The following FLNC variants were observed in gnomAD, a reference collection of about 807,000 sequenced individuals.
FLNC encodes the protein filamin C, also known as filamin-C.
In FLNC, 91 loss-of-function variants were observed where a neutral mutation model predicts 254.3. That is an observed-to-expected ratio of 0.36 (90% confidence interval 0.30 to 0.43). The LOEUF is 0.43. Among genes scored for constraint, FLNC ranks in the 20% least tolerant of loss-of-function variants. FLNC has a pLI of 1.00. For synonymous variants in FLNC, 1,430 were observed against 1,577.2 expected (o/e 0.91, Z 2.21); for missense variants, 2,853 against 3,802.6 (o/e 0.75, Z 6.57).
At chr7:128,832,670 G>C (rs1052654870) in intron 1 of FLNC, among the ~76,000 whole-genome samples, 5 of 152,238 alleles carry the variant, frequency 3.3e-5, no homozygotes, top group African/African-American at 1.2e-4. Flanking sequence ...AGCAAAAGCT[G>C]GTTTGAGGGT....
In FLNC at chr7:128,841,394, G is replaced by A. The variant is rs746709960; in HGVS notation, c.2007+31G>A. ...GTCCCAGCTCACACACACCTGCCCC[G>A]GGGGTGGGGCAAGCTGGTTCTCCTC... On this transcript the variant is annotated intron_variant, in intron 12 of 47. Transcript: ENST00000325888. The surrounding 1 kb of genome is among the most constrained non-coding windows in gnomAD (Gnocchi z 4.3). The A allele has an allele frequency of 2.1e-5, 34 of 1,612,896 alleles. No homozygotes were observed. Among genetic ancestry groups the A allele is most frequent in the East Asian group, 1.1e-4 (5 of 44,884 alleles).
chr7:128,837,329 G>GGGTGCAGGGGGAGACT, intron 3 of FLNC, 69 bp from the exon 4 acceptor site: 1 of 1,611,874 alleles, frequency 6.2e-7, no homozygotes, highest in Non-Finnish European at 8.5e-7. Flanking sequence ...TACCTGGCCA[G>GGGTGCAGGGGGAGACT]GGTGCAGGGG....
Position 128,854,907 on chromosome 7 carries a change from A to G in FLNC, c.7130A>G (p.Glu2377Gly). ...TGCGGCGTCTCCTATGTCGTCCAGG[A>G]ACCAGGTGGGCGTCCACACTGGCAG... is the stretch of plus-strand genomic sequence containing the variant. ...GSCGVSYVVQ[E>G]PGDYEVSIKF... The change falls in exon 42 of 48, where the codon GAA becomes GGA. Residue 2377 changes from glutamate to glycine, a missense_variant. Physicochemically the swap from Glu to Gly is moderately conservative, Grantham distance 98 (BLOSUM62 -2). Coordinates refer to ENST00000325888, the MANE Select transcript of FLNC (RefSeq NM_001458.5). 1 of 1,614,054 alleles carries G rather than the reference A, an allele frequency of 6.2e-7. No homozygotes were observed.
chr7:128,854,036 C>T lies in FLNC; in HGVS notation c.6547C>T (p.His2183Tyr), dbSNP rs201695827. The T allele has an allele frequency of 6.2e-7, 1 of 1,613,306 alleles. No homozygotes were observed. The highest frequency in any genetic ancestry group is 1.3e-5 in the African/African-American group (1 of 75,060). Residue 2183 changes from histidine (H) to tyrosine (Y), a missense_variant, in exon 40 of 48, where the codon CAC becomes TAC. By Grantham distance (83) the His-to-Tyr change is moderately conservative. Coordinates refer to ENST00000325888, the MANE Select transcript of FLNC (RefSeq NM_001458.5). The part of the protein sequence containing the change: ...RLTRTFTRSS[H>Y]TYTRTERTEI... ...GACACGCACCTTCACACGCAGCAGC[C>T]ACACCTACACCCGCACGGAGCGCAC...
chr7:128,835,099 C>A lies in FLNC; in HGVS notation c.353-227C>A, dbSNP rs576048893. On this transcript the variant is annotated intron_variant, in intron 1 of 47. Coordinates refer to ENST00000325888, the MANE Select transcript of FLNC (RefSeq NM_001458.5). The surrounding 1 kb of genome is among the most constrained non-coding windows in gnomAD (Gnocchi z 5.3). Reference sequence around the variant, plus strand: ...ACTTGCTGTAGCTGAGGTGAGGGTACCTTCCAGAACCACAGGAACACAGAG... The same window carrying A: ...ACTTGCTGTAGCTGAGGTGAGGGTAACTTCCAGAACCACAGGAACACAGAG... Among the ~76,000 whole-genome samples, 4 of 152,264 alleles carry A rather than the reference C, an allele frequency of 2.6e-5. No individual in the cohort carries two copies. The highest frequency in any genetic ancestry group is 6.5e-5 in the Admixed American group (1 of 15,296).
rs1461339998 is a variant in FLNC at position 128,838,317 on chromosome 7, G to A, written c.1098G>A (p.Val366=). The A allele has an allele frequency of 1.2e-6, 2 of 1,614,042 alleles. No homozygotes were observed. The highest frequency in any genetic ancestry group is 8.5e-7 in the Non-Finnish European group (1 of 1,179,952). ...GQNIERSPFE[V]NVGMALGDAN... is the part of the protein sequence containing the mutation. Reference sequence around the variant, plus strand: ...ACATTGAACGCAGTCCCTTTGAGGTGAACGTGGGCATGGCCCTGGGAGATG... The same window carrying A: ...ACATTGAACGCAGTCCCTTTGAGGTAAACGTGGGCATGGCCCTGGGAGATG... The change falls in exon 7 of 48, where the codon GTG becomes GTA. Residue 366 remains valine (V), a synonymous_variant. Transcript: ENST00000325888.
rs369165766 is a variant in FLNC, at chr7:128,850,038, C to T, written c.5262C>T (p.Tyr1754=). The T allele has an allele frequency of 2.5e-4, 392 of 1,552,718 alleles. No homozygotes were observed. In the African/African-American group the frequency reaches 4.6e-3, roughly 18 times the overall value. ...PSEVPQLRQP[Y]APPRPGARPT... ...AAGTGCCACAGCTGCGCCAGCCCTA[C>T]GCTCCTCCCCGGCCCGGCGCCCGCC... Residue 1754 remains tyrosine, a synonymous_variant, in exon 31 of 48, where the codon TAC becomes TAT. Coordinates refer to ENST00000325888, the MANE Select transcript of FLNC (RefSeq NM_001458.5).
Position 128,830,540 on chromosome 7 carries a change from C to A in FLNC, c.-98C>A. 1.0e-6 allele frequency: 1 copy of A among 998,372 alleles called. No homozygotes were observed. The highest frequency in any genetic ancestry group is 1.5e-6 in the Non-Finnish European group (1 of 652,236). The allele number at this position is 998,372 out of a possible 1,614,324, so 61.8% of individuals were successfully genotyped here. ...GAAGTTGGAGAGGAGAGCAGCGCAG[C>A]GCAGCGAGTCCCGTGGTCGCGCCCC... On this transcript the variant is annotated 5_prime_UTR_variant, in exon 1 of 48. Coordinates refer to ENST00000325888, the MANE Select transcript of FLNC (RefSeq NM_001458.5).
In FLNC at chr7:128,840,629, A is replaced by T; in HGVS notation, c.1631A>T (p.Lys544Met). The change falls in exon 10 of 48, where the codon AAG becomes ATG. Residue 544 changes from lysine to methionine, a missense_variant. Transcript: ENST00000325888. ...GAGTACTACCCGGTGGTGCCTGGGA[A>T]GTATGTGGTGACCATCACGTGGGGC... ...ECEYYPVVPG[K>M]YVVTITWGGY... is the part of the protein sequence containing the mutation. 1 of 1,614,152 alleles carries T rather than the reference A, an allele frequency of 6.2e-7. No homozygotes were observed. The highest frequency in any genetic ancestry group is 2.2e-5 in the East Asian group (1 of 44,874).
chr7:128,834,313 C>A (rs934040359), intron 1 of FLNC, among the ~76,000 whole-genome samples: 1 of 103,008 alleles, frequency 9.7e-6, no homozygotes, highest in Non-Finnish European at 2.0e-5. Context: ...ATCTAGGCGC[C>A]CCCCCCCCCC....
At chr7:128,834,317 C>A (rs1025312373) in intron 1 of FLNC, among the ~76,000 whole-genome samples, 98 of 150,482 alleles carry the variant, frequency 6.5e-4, no homozygotes, top group Non-Finnish European at 1.1e-3. Context: ...AGGCGCCCCC[C>A]CCCCCCAAAT....
At chr7:128,848,534 A>G in intron 26 of FLNC, 27 bp from the exon 27 acceptor site, 2 of 1,610,926 alleles carry the variant, frequency 1.2e-6, no homozygotes, top group African/African-American at 1.3e-5. Context: ...CCACCCAGCC[A>G]ACTGTTTATC....
intron 43 of FLNC, 36 bp downstream of exon 43, chr7:128,855,350 A>G (rs745543992): frequency 7.5e-7 from 1 of 1,330,922 alleles, no homozygotes. Flanking sequence ...GGTTTCTGCT[A>G]TCTGAGAGAT....
Position 128,838,720 on chromosome 7 carries a change from C to T in FLNC, c.1328C>T (p.Ala443Val), listed in dbSNP as rs1808207788. The change falls in exon 8 of 48, where the codon GCC becomes GTC. Residue 443 changes from alanine to valine, a missense_variant. This residue lies in a region of FLNC where 1,573 missense variants were observed against 1,883.5 expected (regional missense o/e 0.84). Coordinates refer to ENST00000325888, the MANE Select transcript of FLNC (RefSeq NM_001458.5). Reference sequence around the variant, plus strand: ...ACGTTCCGCTGCACATACAGACCTGCCATGGAGGGGCCACATACCGTGCAT... The same window carrying T: ...ACGTTCCGCTGCACATACAGACCTGTCATGGAGGGGCCACATACCGTGCAT... ...DSTFRCTYRP[A>V]MEGPHTVHVA... is the part of the protein sequence containing the mutation. The T allele has an allele frequency of 1.2e-5, 19 of 1,612,972 alleles. No homozygotes were observed. Among genetic ancestry groups the T allele is most frequent in the African/African-American group, 4.0e-5 (3 of 74,918 alleles).
rs1808421759 is a variant in FLNC, at chr7:128,843,379, C to T, written c.2642-29C>T. The T allele has an allele frequency of 2.5e-6, 4 of 1,613,584 alleles. No homozygotes were observed. The Admixed American group carries it at 5.0e-5, about 20-fold the overall frequency. Reference sequence around the variant, plus strand: ...GGTTGGGGTTAGGTGGCTGCCAGGCCCTCACCACATCTCTGGGTGGGTCCT... The same window carrying T: ...GGTTGGGGTTAGGTGGCTGCCAGGCTCTCACCACATCTCTGGGTGGGTCCT... On this transcript the variant is annotated intron_variant, in intron 17 of 47. Transcript: ENST00000325888.
In FLNC at chr7:128,836,386, A is replaced by G. The variant is rs1808093973; in HGVS notation, c.602-774A>G. On this transcript the variant is annotated intron_variant, in intron 2 of 47. Coordinates refer to ENST00000325888, the MANE Select transcript of FLNC (RefSeq NM_001458.5). The surrounding 1 kb of genome is among the most constrained non-coding windows in gnomAD (Gnocchi z 6.0). ...ATTCCCAGCTGCTGAGCCATGGCCC[A>G]TAACTGGTGTGGCTGCCAGCAGTGA... 6.6e-6 allele frequency among the ~76,000 whole-genome samples: 1 copy of G among 152,196 alleles called. No individual in the cohort carries two copies. Among genetic ancestry groups the G allele is most frequent in the Admixed American group, 6.5e-5 (1 of 15,286 alleles).
chr7:128,854,948 C>T (rs1324177283), intron 42 of FLNC, 36 bp downstream of exon 42: 1 of 1,611,564 alleles, frequency 6.2e-7, no homozygotes, highest in Non-Finnish European at 8.5e-7. Context: ...CTGGGCCTGC[C>T]TGACCTTCCA....
At chr7:128,843,937 G>A (rs1433296546) in intron 19 of FLNC, 24 bp downstream of exon 19, 2 of 1,613,970 alleles carry the variant, frequency 1.2e-6, no homozygotes. Context: ...GAGCCACCCT[G>A]GGAGTGAGGG....
intron 1 of FLNC, 80 bp downstream of exon 1, chr7:128,831,069 G>A: frequency 2.9e-6 from 4 of 1,369,440 alleles, no homozygotes; most frequent in South Asian, 1.2e-5. Context: ...CGGGGTGGGC[G>A]CGCGGGGAGC....
Sources: allele counts gnomAD v4.1 joint callset (sites outside exome capture counted in the v4.1 genomes callset), GRCh38; gene constraint gnomAD v4.1.1; regional missense constraint gnomAD v4.1.1; non-coding constraint Gnocchi (gnomAD v3.1); transcripts MANE v1.5; gene names NCBI Gene and HGNC (gene_info 2026-07-23, HGNC 2026-07-21).